Variants in PCCA observed in about 807,000 individuals in gnomAD.
The protein encoded by PCCA is propionyl-CoA carboxylase subunit alpha.
PCCA carries 74 observed loss-of-function variants against 101.3 expected under a neutral mutation model. That is an observed-to-expected ratio of 0.73 (90% confidence interval 0.61 to 0.89). The LOEUF is 0.89. PCCA is among the 40% of genes least tolerant of loss of function. PCCA has a pLI of 0.00. For synonymous variants in PCCA, 294 were observed against 313.6 expected (o/e 0.94, Z 0.66); for missense variants, 891 against 907.0 (o/e 0.98, Z 0.23).
In PCCA at chr13:100,429,707, A is replaced by G. The variant is rs368446038; in HGVS notation, c.1845+3976A>G. Among the ~76,000 whole-genome samples the G allele has an allele frequency of 5.9e-5, 9 of 151,938 alleles. No individual in the cohort carries two copies. In the East Asian group the frequency reaches 1.4e-3, roughly 23 times the overall value. ...CTGCAACCTCTGTCTTTCGGGTTCA[A>G]GCGATTCTCTTGCCTCAGCCTCTGG... On this transcript the variant is annotated intron_variant, in intron 20 of 23. Transcript: ENST00000376285.
chr13:100,359,805 AG>A (rs2074361916), intron 18 of PCCA, among the ~76,000 whole-genome samples: 1 of 152,228 alleles, frequency 6.6e-6, no homozygotes, highest in South Asian at 2.1e-4. Flanking sequence ...AATCAGAAGA[AG>A]TAAGAGTTAT....
At chr13:100,526,613 G>A (rs978967201) in intron 22 of PCCA, among the ~76,000 whole-genome samples, 2 of 152,222 alleles carry the variant, frequency 1.3e-5, no homozygotes, top group South Asian at 2.1e-4. Flanking sequence ...TGGTGTGAGG[G>A]GCCAGGAGCC....
chr13:100,135,416 G>A (rs769582964), intron 4 of PCCA, among the ~76,000 whole-genome samples: 1 of 151,936 alleles, frequency 6.6e-6, no homozygotes, highest in African/African-American at 2.4e-5. Context: ...TGTTTAGGCC[G>A]GTGACAGAGT....
intron 4 of PCCA, among the ~76,000 whole-genome samples, chr13:100,118,699 C>T (rs977507951): frequency 6.6e-6 from 1 of 152,016 alleles, no homozygotes; most frequent in African/African-American, 2.4e-5. Flanking sequence ...CAGGTGCATG[C>T]CACCACGCCT....
chr13:100,263,982 C>CGT (rs1338785141), intron 10 of PCCA, among the ~76,000 whole-genome samples: 1 of 143,430 alleles, frequency 7.0e-6, no homozygotes, highest in African/African-American at 2.6e-5. Flanking sequence ...ATCTGTATGT[C>CGT]ATATATACGG....
intron 4 of PCCA, among the ~76,000 whole-genome samples, chr13:100,129,144 ATTCT>A (rs2050245996): frequency 6.6e-6 from 1 of 151,998 alleles, no homozygotes; most frequent in South Asian, 2.1e-4. Context: ...GTTCACCATC[ATTCT>A]TTCTTTCATT....
chr13:100,527,795 G>T (rs772570467), intron 23 of PCCA, 43 bp downstream of exon 23: 1 of 1,387,580 alleles, frequency 7.2e-7, no homozygotes, highest in Non-Finnish European at 1.0e-6. Context: ...GCCCTGTGAT[G>T]GAGGAACGCC....
chr13:100,527,842 C>A, intron 23 of PCCA, 90 bp downstream of exon 23: 1 of 946,600 alleles, frequency 1.1e-6, no homozygotes, highest in Non-Finnish European at 1.7e-6. Context: ...TGGAAAGGGC[C>A]ACAGAGGCGC....
chr13:100,351,963 A>G (rs1474986472), intron 18 of PCCA, among the ~76,000 whole-genome samples: 2 of 152,214 alleles, frequency 1.3e-5, no homozygotes, highest in South Asian at 2.1e-4. Context: ...GCTTGGAAGC[A>G]TGGTTCAAAT....
intron 22 of PCCA, among the ~76,000 whole-genome samples, chr13:100,524,374 C>T (rs149525248): frequency 2.9e-5 from 4 of 139,172 alleles, no homozygotes; most frequent in South Asian, 2.6e-4. Context: ...CAATTAAGCT[C>T]GTGTGTGTGT....
intron 10 of PCCA, among the ~76,000 whole-genome samples, chr13:100,266,587 G>A (rs1462947517): frequency 6.6e-6 from 1 of 152,134 alleles, no homozygotes; most frequent in Non-Finnish European, 1.5e-5. Flanking sequence ...GTCCCTAAAT[G>A]CAGGCACCGT....
intron 18 of PCCA, among the ~76,000 whole-genome samples, chr13:100,350,977 C>T (rs2073198380): frequency 1.3e-5 from 2 of 152,190 alleles, no homozygotes; most frequent in South Asian, 4.1e-4. Flanking sequence ...TTTAACCTGT[C>T]ACCAGGGTAA....
intron 6 of PCCA, among the ~76,000 whole-genome samples, chr13:100,190,707 A>G (rs996917022): frequency 1.3e-5 from 2 of 152,110 alleles, no homozygotes; most frequent in South Asian, 2.1e-4. Flanking sequence ...CATGCCTGTT[A>G]TGCTAGCACT....
intron 4 of PCCA, among the ~76,000 whole-genome samples, chr13:100,130,565 GT>G (rs11362141): frequency 0.46 from 69,515 of 151,976 alleles, 16,776 homozygotes; most frequent in East Asian, 0.71. Context: ...TGTAGAAATT[GT>G]TAAGTTGAGG....
In PCCA at chr13:100,189,776, C is replaced by A. The variant is rs376488158; in HGVS notation, c.469-19556C>A. ...CCCCTTGCTTTGGCCTCCCAAAGTG[C>A]TGGGATTACAGGCATGAGGCACTGT... On this transcript the variant is annotated intron_variant, in intron 6 of 23. Coordinates refer to ENST00000376285, the MANE Select transcript of PCCA (RefSeq NM_000282.4). Among the ~76,000 whole-genome samples, 156 of 152,304 alleles carry A rather than the reference C, an allele frequency of 1.0e-3. 1 individual carries two copies. Among genetic ancestry groups the A allele is most frequent in the South Asian group, 9.7e-3 (47 of 4,826 alleles).
intron 19 of PCCA, among the ~76,000 whole-genome samples, chr13:100,408,979 C>G (rs982213120): frequency 6.6e-6 from 1 of 152,118 alleles, no homozygotes; most frequent in African/African-American, 2.4e-5. Context: ...AATTACTGTC[C>G]GATGGAGTTG....
At chr13:100,511,342 A>G (rs1410284447) in intron 21 of PCCA, among the ~76,000 whole-genome samples, 2 of 152,220 alleles carry the variant, frequency 1.3e-5, no homozygotes, top group Admixed American at 1.3e-4. Flanking sequence ...TGTTGCTCTC[A>G]CTGCCACGCT....
intron 6 of PCCA, among the ~76,000 whole-genome samples, chr13:100,188,644 A>T (rs575592081): frequency 2.0e-5 from 3 of 152,338 alleles, no homozygotes; most frequent in Middle Eastern, 3.4e-3. Context: ...ACTGTTTTCC[A>T]TAGTGGTTGT....
In PCCA at chr13:100,470,486, T is replaced by C. The variant is rs139180552; in HGVS notation, c.1899+21181T>C. On this transcript the variant is annotated intron_variant, in intron 21 of 23. Coordinates refer to ENST00000376285, the MANE Select transcript of PCCA (RefSeq NM_000282.4). The stretch of plus-strand genomic sequence containing the variant: ...CTTCTATCCTTGGGTTTAATGTTGC[T>C]AAATGAGTAACTCTAGCATTTGTAC... Among the ~76,000 whole-genome samples, 879 of 152,208 alleles carry C rather than the reference T, an allele frequency of 5.8e-3. 11 individuals carry two copies. Among genetic ancestry groups the C allele is most frequent in the African/African-American group, 0.021 (857 of 41,520 alleles).
Sources: allele counts gnomAD v4.1 joint callset (sites outside exome capture counted in the v4.1 genomes callset), GRCh38; gene constraint gnomAD v4.1.1; transcripts MANE v1.5; gene names NCBI Gene and HGNC (gene_info 2026-07-23, HGNC 2026-07-21).